KCNH8: variants seen among roughly 807,000 people sequenced by gnomAD.
The protein encoded by KCNH8 is potassium voltage-gated channel subfamily H member 8.
KCNH8 carries 70 observed loss-of-function variants against 103.6 expected under a neutral mutation model. The ratio of observed to expected loss-of-function variants is 0.68; its 90% CI spans 0.56 to 0.82. The LOEUF is 0.82. Among genes scored for constraint, KCNH8 ranks in the 40% least tolerant of loss-of-function variants. KCNH8 has a pLI of 0.00. For synonymous variants in KCNH8, 498 were observed against 489.4 expected, an observed-to-expected ratio of 1.02 and a Z score of -0.23; for missense variants, 1,217 against 1,329.9, an observed-to-expected ratio of 0.92 and a Z score of 1.32.
chr3:19,335,745 A>G (rs1335919464), intron 3 of KCNH8, among the ~76,000 whole-genome samples: 1 of 151,490 alleles, frequency 6.6e-6, no homozygotes, highest in African/African-American at 2.4e-5. Context: ...AATTTTTACT[A>G]CTTTTTGGAA....
At chr3:19,492,034 T>C (rs1416922023) in intron 11 of KCNH8, among the ~76,000 whole-genome samples, 2 of 152,226 alleles carry the variant, frequency 1.3e-5, no homozygotes, top group African/African-American at 4.8e-5. Flanking sequence ...GGTTTTTGCT[T>C]GTAAATTTGT....
At chr3:19,396,485 C>A (rs934341969) in intron 7 of KCNH8, among the ~76,000 whole-genome samples, 4 of 152,026 alleles carry the variant, frequency 2.6e-5, no homozygotes, top group Admixed American at 2.6e-4. Flanking sequence ...CACAAAACAA[C>A]TGATGTGTTC....
At chr3:19,378,976 A>G (rs1042677514) in intron 5 of KCNH8, among the ~76,000 whole-genome samples, 14 of 152,244 alleles carry the variant, frequency 9.2e-5, no homozygotes, top group East Asian at 5.8e-4. Flanking sequence ...AGTGAGGTCT[A>G]TAGGTACACA....
chr3:19,427,723 C>T (rs1451682138), intron 7 of KCNH8, among the ~76,000 whole-genome samples: 1 of 152,198 alleles, frequency 6.6e-6, no homozygotes, highest in Admixed American at 6.5e-5. Flanking sequence ...CTCCCACCAA[C>T]TGCCTTTGGA....
intron 2 of KCNH8, among the ~76,000 whole-genome samples, chr3:19,264,930 A>G (rs2064486965): frequency 6.6e-6 from 1 of 152,098 alleles, no homozygotes; most frequent in African/African-American, 2.4e-5. Context: ...ACTCTGAAAT[A>G]CTAAGTCATG....
chr3:19,299,621 C>T (rs922674414), intron 3 of KCNH8, among the ~76,000 whole-genome samples: 1 of 151,744 alleles, frequency 6.6e-6, no homozygotes, highest in East Asian at 1.9e-4. Flanking sequence ...AACACACCTG[C>T]ACTTGTATCC....
intron 3 of KCNH8, among the ~76,000 whole-genome samples, chr3:19,311,322 A>G (rs941943573): frequency 6.6e-6 from 1 of 151,782 alleles, no homozygotes; most frequent in Non-Finnish European, 1.5e-5. Context: ...TTTAAAGATG[A>G]ATAAACTGAA....
chr3:19,198,558 A>G (rs1004314589), intron 1 of KCNH8, among the ~76,000 whole-genome samples: 5 of 152,116 alleles, frequency 3.3e-5, no homozygotes, highest in African/African-American at 9.7e-5. Context: ...TAAGTCATCA[A>G]TAACTTTTTC....
In KCNH8 at chr3:19,306,032, A is replaced by G. The variant is rs376013294; in HGVS notation, c.442+24703A>G. 9.2e-5 allele frequency among the ~76,000 whole-genome samples: 14 copies of G among 152,250 alleles called. No individual in the cohort carries two copies. In the South Asian group the frequency reaches 2.9e-3, roughly 32 times the overall value. ...AAAATTAAATGGACAAAACTCTTGAAAAGTTTTGTTTCTGGTGTGAAAGAA... is the reference window on the plus strand; with the variant it reads ...AAAATTAAATGGACAAAACTCTTGAGAAGTTTTGTTTCTGGTGTGAAAGAA... On this transcript the variant is annotated intron_variant, in intron 3 of 15. Transcript: ENST00000328405.
intron 3 of KCNH8, among the ~76,000 whole-genome samples, chr3:19,297,568 CTG>C (rs926779798): frequency 1.3e-5 from 2 of 152,256 alleles, no homozygotes; most frequent in Non-Finnish European, 2.9e-5. Context: ...TATTAGTGTT[CTG>C]TCATTGCCTT....
At position 19,499,821 on chromosome 3, in the gene KCNH8, G is replaced by A. The variant is rs982904206; in HGVS notation, c.2041-10542G>A. Among the ~76,000 whole-genome samples the A allele has an allele frequency of 6.0e-4, 91 of 152,190 alleles. 1 individual carries two copies. The highest frequency in any genetic ancestry group is 2.1e-3 in the African/African-American group (86 of 41,554). ...ACATGGAAAGAAACAACCGGTACCA[G>A]CCGCTGCAAAATCATGCCAAAAAGT... On this transcript the variant is annotated intron_variant, in intron 11 of 15. Transcript: ENST00000328405.
chr3:19,487,360 G>A (rs1023906038), intron 11 of KCNH8, among the ~76,000 whole-genome samples: 4 of 152,204 alleles, frequency 2.6e-5, no homozygotes, highest in African/African-American at 9.6e-5. Flanking sequence ...TAGCTTGGCT[G>A]ACCAAGCGCA....
intron 7 of KCNH8, among the ~76,000 whole-genome samples, chr3:19,436,284 GA>G (rs996658259): frequency 4.0e-5 from 6 of 149,268 alleles, no homozygotes; most frequent in Admixed American, 2.7e-4. Context: ...TGTTCTTTAG[GA>G]AAAAAAAAAT....
At chr3:19,258,965 A>C (rs1180118325) in intron 2 of KCNH8, among the ~76,000 whole-genome samples, 24 of 134,872 alleles carry the variant, frequency 1.8e-4, no homozygotes, top group Admixed American at 4.5e-4. Flanking sequence ...ATATATATAT[A>C]TATATATATA....
At chr3:19,330,088 A>C (rs1372555) in intron 3 of KCNH8, among the ~76,000 whole-genome samples, 53,170 of 151,794 alleles carry the variant, frequency 0.35, 10,170 homozygotes, top group East Asian at 0.68. Context: ...TTTACTCTCA[A>C]TTTTGTCTCC....
At chr3:19,246,684 A>G (rs2064211191) in intron 1 of KCNH8, among the ~76,000 whole-genome samples, 1 of 152,008 alleles carries the variant, frequency 6.6e-6, no homozygotes, top group Non-Finnish European at 1.5e-5. Flanking sequence ...TCAGCCGCAT[A>G]CTCCTTCAAT....
intron 1 of KCNH8, among the ~76,000 whole-genome samples, chr3:19,223,506 T>C (rs973555265): frequency 3.3e-5 from 5 of 152,202 alleles, no homozygotes; most frequent in Non-Finnish European, 7.4e-5. Context: ...TCCTCTCTTT[T>C]TAATTATTTG....
In KCNH8 at chr3:19,342,643, A is replaced by G. The variant is rs149434543; in HGVS notation, c.499A>G (p.Ser167Gly). ...CCACTTTGACTCAGCCCGGAGACGG[A>G]GTCGAGCAGTCCTTTATCACATCTC... ...GTHFDSARRR[S>G]RAVLYHISGH... is the part of the protein sequence containing the mutation. Residue 167 changes from serine (S) to glycine (G), a missense_variant, in exon 4 of 16, where the codon AGT becomes GGT. Ser to Gly is a moderately conservative substitution (Grantham distance 56). Around this residue, in one of 3 missense-constraint regions of KCNH8, gnomAD observed 244 missense variants for 256.8 expected, o/e 0.95. Coordinates refer to ENST00000328405, the MANE Select transcript of KCNH8 (RefSeq NM_144633.3). 1.2e-4 allele frequency: 201 copies of G among 1,611,026 alleles called. No homozygotes were observed. Among genetic ancestry groups the G allele is most frequent in the Non-Finnish European group, 1.6e-4 (188 of 1,177,924 alleles).
intron 1 of KCNH8, among the ~76,000 whole-genome samples, chr3:19,200,316 A>G (rs1402871096): frequency 1.3e-5 from 2 of 152,056 alleles, no homozygotes; most frequent in African/African-American, 2.4e-5. Flanking sequence ...CTGGTAGTTT[A>G]TTTGTTTTTA....
Sources: allele counts gnomAD v4.1 joint callset (sites outside exome capture counted in the v4.1 genomes callset), GRCh38; gene constraint gnomAD v4.1.1; regional missense constraint gnomAD v4.1.1; transcripts MANE v1.5; gene names NCBI Gene and HGNC (gene_info 2026-07-23, HGNC 2026-07-21).